The following VAT1L variants were observed in gnomAD, a reference collection of about 807,000 sequenced individuals.
The protein encoded by VAT1L is vesicle amine transport 1 like.
VAT1L carries 34 observed loss-of-function variants against 44.1 expected under a neutral mutation model. That is an observed-to-expected ratio of 0.77 (90% CI 0.59 to 1.03). VAT1L has a LOEUF of 1.03. Ranked by LOEUF, VAT1L falls within the 50% of genes least tolerant of loss-of-function variation. The pLI is 0.00. For synonymous variants in VAT1L, 253 were observed against 202.2 expected, an observed-to-expected ratio of 1.25 and a Z score of -2.13; for missense variants, 615 against 538.8, an observed-to-expected ratio of 1.14 and a Z score of -1.40.
chr16:77,826,080 G>A (rs1227455961), intron 3 of VAT1L, among the ~76,000 whole-genome samples: 9 of 142,540 alleles, frequency 6.3e-5, no homozygotes, highest in African/African-American at 2.1e-4. Context: ...AGTGGCGGGC[G>A]CCTGTAGTCC....
chr16:77,952,464 C>G (rs2018055324), intron 7 of VAT1L, among the ~76,000 whole-genome samples: 1 of 152,178 alleles, frequency 6.6e-6, no homozygotes, highest in Non-Finnish European at 1.5e-5. Context: ...CCCCCCACCA[C>G]CACCCCTCGC....
intron 7 of VAT1L, among the ~76,000 whole-genome samples, chr16:77,914,698 G>T (rs1367488951): frequency 6.6e-6 from 1 of 151,900 alleles, no homozygotes; most frequent in African/African-American, 2.4e-5. Flanking sequence ...TGGGTAAAGA[G>T]TTGTTGGGCC....
chr16:77,837,233 G>A (rs963233141), intron 3 of VAT1L, among the ~76,000 whole-genome samples: 2 of 152,178 alleles, frequency 1.3e-5, no homozygotes, highest in South Asian at 4.2e-4. Flanking sequence ...CCCAGGAGCT[G>A]AGGAAGAGGG....
intron 3 of VAT1L, among the ~76,000 whole-genome samples, chr16:77,861,179 T>C (rs2016911023): frequency 6.6e-6 from 1 of 152,172 alleles, no homozygotes; most frequent in Non-Finnish European, 1.5e-5. Flanking sequence ...TCCGCCAGCA[T>C]GAAGACATGA....
intron 3 of VAT1L, among the ~76,000 whole-genome samples, chr16:77,848,159 A>C (rs116859824): frequency 6.6e-6 from 1 of 152,328 alleles, no homozygotes; most frequent in Non-Finnish European, 1.5e-5. Context: ...CAAAATTTAC[A>C]GGAAGGCTGT....
intron 7 of VAT1L, among the ~76,000 whole-genome samples, chr16:77,947,066 C>T (rs918801745): frequency 6.6e-6 from 1 of 152,170 alleles, no homozygotes; most frequent in African/African-American, 2.4e-5. Flanking sequence ...AAACACTCAG[C>T]TAATAGGCAA....
At chr16:77,964,528 C>A (rs1005691956) in intron 7 of VAT1L, among the ~76,000 whole-genome samples, 2 of 152,146 alleles carry the variant, frequency 1.3e-5, no homozygotes, top group Non-Finnish European at 2.9e-5. Flanking sequence ...CGTTGTGGTT[C>A]CATGGGGCCC....
chr16:77,950,790 G>T (rs774832130), intron 7 of VAT1L, among the ~76,000 whole-genome samples: 1 of 152,038 alleles, frequency 6.6e-6, no homozygotes, highest in African/African-American at 2.4e-5. Flanking sequence ...CCTTTTAAAA[G>T]GCTGTTTCTA....
intron 7 of VAT1L, among the ~76,000 whole-genome samples, chr16:77,965,037 G>A (rs1024517745): frequency 2.0e-5 from 3 of 152,008 alleles, no homozygotes; most frequent in Non-Finnish European, 4.4e-5. Flanking sequence ...TGATTCGCCC[G>A]CCTGGGCCTC....
At chr16:77,957,686 C>G (rs891986446) in intron 7 of VAT1L, among the ~76,000 whole-genome samples, 1 of 151,498 alleles carries the variant, frequency 6.6e-6, no homozygotes, top group African/African-American at 2.4e-5. Context: ...GATCGGGCCA[C>G]TGCAGTCCAG....
chr16:77,901,510 T>C (rs1382459851), intron 7 of VAT1L, among the ~76,000 whole-genome samples: 1 of 152,150 alleles, frequency 6.6e-6, no homozygotes, highest in Non-Finnish European at 1.5e-5. Flanking sequence ...TTGCTGCTTT[T>C]CCTCCGTTAG....
At chr16:77,912,799 C>A (rs2017512572) in intron 7 of VAT1L, among the ~76,000 whole-genome samples, 1 of 152,152 alleles carries the variant, frequency 6.6e-6, no homozygotes, top group African/African-American at 2.4e-5. Flanking sequence ...TGGAGGCTCG[C>A]AAGTTCAAGA....
intron 7 of VAT1L, among the ~76,000 whole-genome samples, chr16:77,964,618 C>G (rs1458708316): frequency 6.6e-6 from 1 of 152,042 alleles, no homozygotes; most frequent in Admixed American, 6.6e-5. Context: ...TGTCAGGTAA[C>G]AAACATATCC....
intron 8 of VAT1L, 29 bp downstream of exon 8, chr16:77,971,962 G>C (rs2018283060): frequency 6.2e-7 from 1 of 1,601,840 alleles, no homozygotes. Flanking sequence ...AGTCTGTTCA[G>C]TTCCACGCGA....
chr16:77,970,012 A>C (rs1478126483), intron 7 of VAT1L, among the ~76,000 whole-genome samples: 3 of 142,452 alleles, frequency 2.1e-5, no homozygotes, highest in Non-Finnish European at 4.5e-5. Context: ...CCAACAGTTC[A>C]TGAGCAGCCT....
At chr16:77,805,280 C>A (rs2145220012) in intron 1 of VAT1L, among the ~76,000 whole-genome samples, 1 of 152,216 alleles carries the variant, frequency 6.6e-6, no homozygotes, top group East Asian at 1.9e-4. Context: ...TCAGTCTGTT[C>A]CCACAGTCTT....
At chr16:77,943,831 T>C (rs530151102) in intron 7 of VAT1L, among the ~76,000 whole-genome samples, 6 of 152,300 alleles carry the variant, frequency 3.9e-5, no homozygotes, top group African/African-American at 1.4e-4. Flanking sequence ...GTGGCAGTTA[T>C]TAGGATGCAA....
chr16:77,790,065 A>G (rs1470704428), intron 1 of VAT1L, among the ~76,000 whole-genome samples: 1 of 152,248 alleles, frequency 6.6e-6, no homozygotes, highest in East Asian at 1.9e-4. Flanking sequence ...AGGTTAGATC[A>G]GAAACCCAAT....
chr16:77,806,816 T>C (rs1784979485), intron 1 of VAT1L, among the ~76,000 whole-genome samples: 1 of 152,146 alleles, frequency 6.6e-6, no homozygotes, highest in East Asian at 1.9e-4. Flanking sequence ...AAATGGACTG[T>C]TTCTCCATGG....
Sources: gnomAD v4.1 joint callset for allele counts (sites outside exome capture counted in the v4.1 genomes callset) on GRCh38, gnomAD v4.1.1 for gene constraint, MANE v1.5 for transcripts, NCBI Gene and HGNC (gene_info 2026-07-23, HGNC 2026-07-21) for gene names.